PGK2: variants seen among roughly 807,000 people sequenced by gnomAD.
PGK2 encodes epididymis secretory protein Li 272.
Under a neutral mutation model 5.2 loss-of-function variants are expected in PGK2, and 5 were observed. The observed-to-expected ratio is 0.96, with a 90% CI of 0.50 to 2.01. PGK2 has a LOEUF of 2.01. PGK2 is among the 30% of genes most tolerant of loss of function. The pLI, the probability that PGK2 is intolerant of heterozygous loss-of-function variation, is 0.01. For synonymous variants in PGK2, 210 were observed against 182.6 expected, an observed-to-expected ratio of 1.15 and a Z score of -1.21; for missense variants, 588 against 506.8, an observed-to-expected ratio of 1.16 and a Z score of -1.54.
At position 49,786,289 on chromosome 6, in the gene PGK2, TTTCCAACCTGAG is replaced by T. The variant is rs765154147; in HGVS notation, c.887_898del (p.Ala296_Lys300delinsGlu). 14 of 1,614,060 alleles carry T rather than the reference TTTCCAACCTGAG, an allele frequency of 8.7e-6. No homozygotes were observed. The highest frequency in any genetic ancestry group is 1.7e-5 in the Admixed American group (1 of 60,002). On this transcript the variant is annotated inframe_deletion, in exon 1 of 1. Transcript: ENST00000304801. The stretch of plus-strand genomic sequence containing the variant: ...AGATATGCCAGATGCTACAGTGGCT[TTTCCAACCTGAG>T]CGTTCTCGTCAAACTTGTCCCCAGT...
chr6:49,785,888 C>T lies in PGK2; in HGVS notation c.*46G>A. 6.6e-7 allele frequency: 1 copy of T among 1,505,334 alleles called. No individual in the cohort carries two copies. Among genetic ancestry groups the T allele is most frequent in the Non-Finnish European group, 9.2e-7 (1 of 1,092,086 alleles). The allele number at this position is 1,505,334 out of a possible 1,614,324, so 93.2% of individuals were successfully genotyped here. On this transcript the variant is annotated 3_prime_UTR_variant, in exon 1 of 1. Coordinates refer to ENST00000304801, the MANE Select transcript of PGK2 (RefSeq NM_138733.5). ...TCGAGATGTAAAAGCATTAAGCTGACTTAAGGGCCATGGACAGAAAACAGA... is the reference window on the plus strand; with the variant it reads ...TCGAGATGTAAAAGCATTAAGCTGATTTAAGGGCCATGGACAGAAAACAGA...
At position 49,785,972 on chromosome 6, in the gene PGK2, T is replaced by A. The variant is rs753415567; in HGVS notation, c.1216A>T (p.Lys406Ter). 1 of 1,614,072 alleles carries A rather than the reference T, an allele frequency of 6.2e-7. No homozygotes were observed. The highest frequency in any genetic ancestry group is 8.5e-7 in the Non-Finnish European group (1 of 1,179,930). ...GGASLELLEG[K>*]ILPGVEALSN... ...AGGGCCTCTACTCCAGGAAGGATTT[T>A]ACCTTCCAGAAGCTCTAGACTGGCA... Residue 406 changes from lysine to a stop codon, truncating the protein, a stop_gained, in exon 1 of 1, where the codon AAA becomes TAA. Transcript: ENST00000304801. LOFTEE classifies it high-confidence loss of function.
rs371435495 is a variant in PGK2 at position 49,787,192 on chromosome 6, A to G, written c.-5T>C. ...CAACTTCTTAGAAAGAGACATCTTGACAATATAAAGACATAGGCTGACACC... is the reference window on the plus strand; with the variant it reads ...CAACTTCTTAGAAAGAGACATCTTGGCAATATAAAGACATAGGCTGACACC... On this transcript the variant is annotated 5_prime_UTR_variant, in exon 1 of 1. Transcript: ENST00000304801. 8.8e-5 allele frequency: 141 copies of G among 1,607,104 alleles called. No individual in the cohort carries two copies. The African/African-American group carries it at 1.8e-3, about 21-fold the overall frequency.
In PGK2 at chr6:49,785,726, T is replaced by C; in HGVS notation, c.*208A>G. The C allele has an allele frequency of 1.8e-6, 1 of 569,190 alleles. No homozygotes were observed. Among genetic ancestry groups the C allele is most frequent in the Admixed American group, 3.0e-5 (1 of 33,086 alleles). The allele number at this position is 569,190 out of a possible 1,614,324, so 35.3% of individuals were successfully genotyped here. A position where few individuals can be genotyped will look rare whatever the true frequency, so the allele number is the denominator to read the frequency against. On this transcript the variant is annotated 3_prime_UTR_variant, in exon 1 of 1. Transcript: ENST00000304801. ...TCCCTAGATAGCACAATGGTGAAGT[T>C]CAAATGAGAACTTGAACAGGCAAAT...
In PGK2 at chr6:49,786,177, A is replaced by T. The variant is rs751596092; in HGVS notation, c.1011T>A (p.Asn337Lys). The change falls in exon 1 of 1, where the codon AAT (asparagine) becomes AAA (lysine). Residue 337 changes from asparagine (N) to lysine (K), a missense_variant. Transcript: ENST00000304801. ...CCCATTCAAATACTCCTAACGGCCCATTCCAAACAATTAGCCTTGCTTGAG... is the reference window on the plus strand; with the variant it reads ...CCCATTCAAATACTCCTAACGGCCCTTTCCAAACAATTAGCCTTGCTTGAG... ...VVAQARLIVW[N>K]GPLGVFEWDA... The T allele has an allele frequency of 2.5e-6, 4 of 1,613,982 alleles. No homozygotes were observed. In the African/African-American group the frequency reaches 5.3e-5, roughly 22 times the overall value.
In PGK2 at chr6:49,785,878, A is replaced by G; in HGVS notation, c.*56T>C. On this transcript the variant is annotated 3_prime_UTR_variant, in exon 1 of 1. Transcript: ENST00000304801. ...AAAAGTCACATCGAGATGTAAAAGCATTAAGCTGACTTAAGGGCCATGGAC... is the reference window on the plus strand; with the variant it reads ...AAAAGTCACATCGAGATGTAAAAGCGTTAAGCTGACTTAAGGGCCATGGAC... The G allele has an allele frequency of 2.1e-6, 3 of 1,419,274 alleles. No individual in the cohort carries two copies. The highest frequency in any genetic ancestry group is 2.9e-6 in the Non-Finnish European group (3 of 1,021,458). The allele number at this position is 1,419,274 out of a possible 1,614,324, so 87.9% of individuals were successfully genotyped here.
chr6:49,786,561 C>T lies in PGK2; in HGVS notation c.627G>A (p.Leu209=). 6.2e-7 allele frequency: 1 copy of T among 1,614,074 alleles called. No individual in the cohort carries two copies. ...KALENPVRPF[L]AILGGAKVAD... Reference sequence around the variant, plus strand: ...CCACTTTGGCTCCACCAAGTATAGCCAGAAAGGGTCTCACTGGGTTTTCCA... The same window carrying T: ...CCACTTTGGCTCCACCAAGTATAGCTAGAAAGGGTCTCACTGGGTTTTCCA... The change falls in exon 1 of 1, where the codon CTG becomes CTA. Residue 209 remains leucine, a synonymous_variant. Transcript: ENST00000304801.
In PGK2 at chr6:49,786,091, C is replaced by T; in HGVS notation, c.1097G>A (p.Gly366Asp). 2 of 1,614,110 alleles carry T rather than the reference C, an allele frequency of 1.2e-6. No homozygotes were observed. Among genetic ancestry groups the T allele is most frequent in the Non-Finnish European group, 1.7e-6 (2 of 1,180,020 alleles). Residue 366 changes from glycine (G) to aspartate (D), a missense_variant, in exon 1 of 1, where the codon GGC becomes GAC. Gly to Asp is a moderately conservative substitution (Grantham distance 94). Coordinates refer to ENST00000304801, the MANE Select transcript of PGK2 (RefSeq NM_138733.5). ...TCCACCCCCTATAACAGTGATGCAG[C>T]CCTTGGAAGTGGCTTTCACAATTTC... ...MDEIVKATSK[G>D]CITVIGGGDT...
chr6:49,786,270 G>A lies in PGK2; in HGVS notation c.918C>T (p.Gly306=). The change falls in exon 1 of 1, where the codon GGC becomes GGT. Residue 306 remains glycine, a synonymous_variant. Transcript: ENST00000304801. ...CCAAACCCATCCAGCCAGGAGATAT[G>A]CCAGATGCTACAGTGGCTTTTCCAA... ...AQVGKATVAS[G]ISPGWMGLDC... 6.2e-7 allele frequency: 1 copy of A among 1,614,118 alleles called. No individual in the cohort carries two copies. Among genetic ancestry groups the A allele is most frequent in the South Asian group, 1.1e-5 (1 of 91,082 alleles).
In PGK2 at chr6:49,786,202, G is replaced by C. The variant is rs1340243555; in HGVS notation, c.986C>G (p.Ala329Gly). The change falls in exon 1 of 1, where the codon GCT becomes GGT. Residue 329 changes from alanine to glycine, a missense_variant. Coordinates refer to ENST00000304801, the MANE Select transcript of PGK2 (RefSeq NM_138733.5). Reference protein sequence around the residue: ...ESNKNHAQVVAQARLIVWNGP... With the variant: ...ESNKNHAQVVGQARLIVWNGP... Reference sequence around the variant, plus strand: ...ATTCCAAACAATTAGCCTTGCTTGAGCCACAACTTGAGCATGATTCTTGTT... The same window carrying C: ...ATTCCAAACAATTAGCCTTGCTTGACCCACAACTTGAGCATGATTCTTGTT... 1.2e-6 allele frequency: 2 copies of C among 1,613,978 alleles called. No individual in the cohort carries two copies. Among genetic ancestry groups the C allele is most frequent in the Non-Finnish European group, 1.7e-6 (2 of 1,180,038 alleles).
chr6:49,787,027 C>T lies in PGK2; in HGVS notation c.161G>A (p.Gly54Glu). Reference protein sequence around the residue: ...IPSIKYCLDNGAKAVVLMSHL... With the variant: ...IPSIKYCLDNEAKAVVLMSHL... ...ACTCATAAGAACTACTGCCTTGGCT[C>T]CATTGTCCAGGCAGTACTTGATGCT... The change falls in exon 1 of 1, where the codon GGA becomes GAA. Residue 54 changes from glycine (G) to glutamate (E), a missense_variant. Coordinates refer to ENST00000304801, the MANE Select transcript of PGK2 (RefSeq NM_138733.5). The T allele has an allele frequency of 6.2e-7, 1 of 1,614,082 alleles. No individual in the cohort carries two copies. The highest frequency in any genetic ancestry group is 8.5e-7 in the Non-Finnish European group (1 of 1,179,978).
rs1351111522 is a variant in PGK2 at position 49,786,673 on chromosome 6, G to A, written c.515C>T (p.Ala172Val). The A allele has an allele frequency of 9.3e-6, 15 of 1,614,016 alleles. No homozygotes were observed. Among genetic ancestry groups the A allele is most frequent in the Non-Finnish European group, 1.3e-5 (15 of 1,180,036 alleles). Residue 172 changes from alanine to valine, a missense_variant, in exon 1 of 1, where the codon GCT (alanine) becomes GTT (valine). By Grantham distance (64) the Ala-to-Val change is moderately conservative. Transcript: ENST00000304801. ...VNDAFGTAHR[A>V]HSSMVGVNLP... ...ATTCACTCCCACCATGGAACTATGA[G>A]CGCGGTGTGCAGTGCCAAAAGCATC...
rs767665164 is a variant in PGK2, at chr6:49,786,203, C to T, written c.985G>A (p.Ala329Thr). The change falls in exon 1 of 1, where the codon GCT becomes ACT. Residue 329 changes from alanine to threonine, a missense_variant. Physicochemically the swap from Ala to Thr is moderately conservative, Grantham distance 58. Coordinates refer to ENST00000304801, the MANE Select transcript of PGK2 (RefSeq NM_138733.5). Reference sequence around the variant, plus strand: ...TTCCAAACAATTAGCCTTGCTTGAGCCACAACTTGAGCATGATTCTTGTTG... The same window carrying T: ...TTCCAAACAATTAGCCTTGCTTGAGTCACAACTTGAGCATGATTCTTGTTG... The part of the protein sequence containing the change: ...ESNKNHAQVV[A>T]QARLIVWNGP... 1.2e-6 allele frequency: 2 copies of T among 1,614,144 alleles called. No homozygotes were observed. Among genetic ancestry groups the T allele is most frequent in the South Asian group, 1.1e-5 (1 of 91,088 alleles).
At position 49,787,283 on chromosome 6, in the gene PGK2, T is replaced by C. The variant is rs1769932695; in HGVS notation, c.-96A>G. 1.2e-6 allele frequency: 1 copy of C among 816,516 alleles called. No individual in the cohort carries two copies. Among genetic ancestry groups the C allele is most frequent in the Non-Finnish European group, 2.0e-6 (1 of 494,830 alleles). 50.6% of individuals were successfully genotyped at this position (816,516 alleles called of 1,614,324 possible). A position where few individuals can be genotyped will look rare whatever the true frequency, so the allele number is the denominator to read the frequency against. On this transcript the variant is annotated 5_prime_UTR_variant, in exon 1 of 1. Coordinates refer to ENST00000304801, the MANE Select transcript of PGK2 (RefSeq NM_138733.5). ...TGGGTCGGTGGTGACTTCTAACGCCTTTGCCCTTGTCCCGCCCCTTTCTTC... is the reference window on the plus strand; with the variant it reads ...TGGGTCGGTGGTGACTTCTAACGCCCTTGCCCTTGTCCCGCCCCTTTCTTC...
rs1561921780 is a variant in PGK2, at chr6:49,785,680, A to G, written c.*254T>C. The G allele has an allele frequency of 1.0e-5, 4 of 389,988 alleles. No homozygotes were observed. The highest frequency in any genetic ancestry group is 1.8e-5 in the Non-Finnish European group (4 of 217,468). The allele number at this position is 389,988 out of a possible 1,614,324, so 24.2% of individuals were successfully genotyped here. On this transcript the variant is annotated 3_prime_UTR_variant, in exon 1 of 1. Transcript: ENST00000304801. ...GTTTCTTCAGCTCACTTTCTTTAAT[A>G]GGCAACTTAAGAATATGTCCTCCCT...
At position 49,786,171 on chromosome 6, in the gene PGK2, C is replaced by T. The variant is rs775967199; in HGVS notation, c.1017G>A (p.Pro339=). The change falls in exon 1 of 1, where the codon CCG becomes CCA. Residue 339 remains proline (P), a synonymous_variant. Coordinates refer to ENST00000304801, the MANE Select transcript of PGK2 (RefSeq NM_138733.5). ...AGGCATCCCATTCAAATACTCCTAA[C>T]GGCCCATTCCAAACAATTAGCCTTG... is the stretch of plus-strand genomic sequence containing the variant. The part of the protein sequence containing the change: ...AQARLIVWNG[P]LGVFEWDAFA... The T allele has an allele frequency of 2.0e-5, 32 of 1,614,000 alleles. No individual in the cohort carries two copies. The highest frequency in any genetic ancestry group is 1.7e-4 in the Admixed American group (10 of 59,988).
Position 49,787,165 on chromosome 6 carries a change from G to T in PGK2, c.23C>A (p.Thr8Asn). Residue 8 changes from threonine (T) to asparagine (N), a missense_variant, in exon 1 of 1, where the codon ACT (threonine) becomes AAT (asparagine). Physicochemically the swap from Thr to Asn is moderately conservative, Grantham distance 65. Transcript: ENST00000304801. MSLSKKL[T>N]LDKLDVRGKR... is the part of the protein sequence containing the mutation. ...CCCTCTAACATCCAGTTTGTCTAAAGTCAACTTCTTAGAAAGAGACATCTT... is the reference window on the plus strand; with the variant it reads ...CCCTCTAACATCCAGTTTGTCTAAATTCAACTTCTTAGAAAGAGACATCTT... 1 of 1,613,060 alleles carries T rather than the reference G, an allele frequency of 6.2e-7. No homozygotes were observed. Among genetic ancestry groups the T allele is most frequent in the South Asian group, 1.1e-5 (1 of 91,026 alleles).
rs545446424 is a variant in PGK2, at chr6:49,786,649, T to C, written c.539A>G (p.Asn180Ser). The C allele has an allele frequency of 6.2e-7, 1 of 1,614,094 alleles. No individual in the cohort carries two copies. The highest frequency in any genetic ancestry group is 1.3e-5 in the African/African-American group (1 of 75,038). ...HRAHSSMVGV[N>S]LPHKASGFLM... ...GAATCCGGATGCTTTATGGGGCAGA[T>C]TCACTCCCACCATGGAACTATGAGC... is the stretch of plus-strand genomic sequence containing the variant. Residue 180 changes from asparagine (N) to serine (S), a missense_variant, in exon 1 of 1, where the codon AAT becomes AGT. Physicochemically the swap from Asn to Ser is conservative, Grantham distance 46. Coordinates refer to ENST00000304801, the MANE Select transcript of PGK2 (RefSeq NM_138733.5).
Position 49,785,724 on chromosome 6 carries a change from G to A in PGK2, c.*210C>T. 1 of 568,284 alleles carries A rather than the reference G, an allele frequency of 1.8e-6. No individual in the cohort carries two copies. The highest frequency in any genetic ancestry group is 3.1e-6 in the Non-Finnish European group (1 of 319,472). 35.2% of individuals were successfully genotyped at this position (568,284 alleles called of 1,614,324 possible). On this transcript the variant is annotated 3_prime_UTR_variant, in exon 1 of 1. Transcript: ENST00000304801. ...CCTCCCTAGATAGCACAATGGTGAAGTTCAAATGAGAACTTGAACAGGCAA... is the reference window on the plus strand; with the variant it reads ...CCTCCCTAGATAGCACAATGGTGAAATTCAAATGAGAACTTGAACAGGCAA...
Sources: allele counts gnomAD v4.1 joint callset, GRCh38; gene constraint gnomAD v4.1.1; transcripts MANE v1.5; gene names NCBI Gene and HGNC (gene_info 2026-07-23, HGNC 2026-07-21).